Variants in ENPP2 observed in about 807,000 individuals in gnomAD.
The protein encoded by ENPP2 is ectonucleotide pyrophosphatase/phosphodiesterase 2.
A neutral mutation model predicts 120.2 loss-of-function variants in ENPP2; 51 were observed. The ratio of observed to expected loss-of-function variants is 0.42; its 90% CI spans 0.34 to 0.54. ENPP2 has a LOEUF of 0.54. ENPP2 is among the 20% of genes least tolerant of loss of function. ENPP2 has a pLI of 0.04. For synonymous variants in ENPP2, 365 were observed against 366.4 expected (o/e 1.00, Z 0.04); for missense variants, 920 against 1,066.5 (o/e 0.86, Z 1.91).
intron 1 of ENPP2, among the ~76,000 whole-genome samples, chr8:119,651,487 A>T (rs1201238631): frequency 6.6e-6 from 1 of 152,226 alleles, no homozygotes; most frequent in African/African-American, 2.4e-5. Context: ...TCAAGTGCCT[A>T]TTAAGTGGGG....
chr8:119,664,798 G>A lies in ENPP2; in HGVS notation c.21+8454C>T, dbSNP rs557283812. ...TCTACTAAAAATACAAAAAATAGCC[G>A]GGTGTGGTGGAACACGCCTGTAGTC... On this transcript the variant is annotated intron_variant, in intron 1 of 25. Coordinates refer to the ENPP2 transcript ENST00000427067. Among the ~76,000 whole-genome samples, 12 of 152,222 alleles carry A rather than the reference G, an allele frequency of 7.9e-5. 1 individual carries two copies. The highest frequency in any genetic ancestry group is 6.2e-4 in the South Asian group (3 of 4,816).
chr8:119,632,940 A>C (rs1269721021), intron 2 of ENPP2, among the ~76,000 whole-genome samples: 4 of 152,186 alleles, frequency 2.6e-5, no homozygotes. Context: ...ATGGGGGTGC[A>C]CACCTGTAAT....
chr8:119,628,856 T>C (rs559188497), intron 2 of ENPP2, among the ~76,000 whole-genome samples: 279 of 152,298 alleles, frequency 1.8e-3, no homozygotes, highest in African/African-American at 6.5e-3. Context: ...GAACAAACTT[T>C]TTCCTTCTGT....
upstream of ENPP2, among the ~76,000 whole-genome samples, chr8:119,642,430 C>T (rs951459657): frequency 2.6e-5 from 4 of 151,862 alleles, no homozygotes; most frequent in Admixed American, 2.0e-4. Context: ...AATATGCTAA[C>T]GATGGTTGAC....
At chr8:119,559,087 T>C (rs531696479) in intron 24 of ENPP2, among the ~76,000 whole-genome samples, 2 of 152,312 alleles carry the variant, frequency 1.3e-5, no homozygotes, top group South Asian at 4.1e-4. Flanking sequence ...TTAACCTTCA[T>C]GTCCCACCCT....
intron 1 of ENPP2, among the ~76,000 whole-genome samples, chr8:119,664,503 T>C (rs1011345189): frequency 1.3e-5 from 2 of 152,190 alleles, no homozygotes; most frequent in African/African-American, 4.8e-5. Context: ...ATCATTTCCA[T>C]GACGAAGAGC....
intron 24 of ENPP2, among the ~76,000 whole-genome samples, chr8:119,561,812 TGTTTG>T (rs1563663404): frequency 1.8e-4 from 28 of 151,828 alleles, no homozygotes; most frequent in African/African-American, 4.3e-4. Context: ...TGTGTGTGTG[TGTTTG>T]TGTGTGTGTG....
intron 1 of ENPP2, among the ~76,000 whole-genome samples, chr8:119,646,091 C>T (rs1817459273): frequency 6.6e-6 from 1 of 151,882 alleles, no homozygotes; most frequent in African/African-American, 2.4e-5. Context: ...GCCTCAGCCT[C>T]TCAAGTAGCT....
chr8:119,587,730 T>C (rs1402923471), intron 13 of ENPP2, among the ~76,000 whole-genome samples: 3 of 152,194 alleles, frequency 2.0e-5, no homozygotes, highest in African/African-American at 7.2e-5. Context: ...GTGCATAAAC[T>C]GTGGACAGGA....
intron 1 of ENPP2, among the ~76,000 whole-genome samples, chr8:119,653,606 G>A (rs1817685572): frequency 6.6e-6 from 1 of 152,072 alleles, no homozygotes; most frequent in Non-Finnish European, 1.5e-5. Flanking sequence ...AGACGAGGCA[G>A]CAGTAAGAGA....
intron 8 of ENPP2, among the ~76,000 whole-genome samples, chr8:119,611,307 G>A (rs545047464): frequency 1.3e-5 from 2 of 152,334 alleles, no homozygotes; most frequent in South Asian, 2.1e-4. Flanking sequence ...CTTTGCACTC[G>A]AAAGCATTGA....
At chr8:119,557,774 A>T in intron 24 of ENPP2, 83 bp from the exon 25 acceptor site, 1 of 1,219,682 alleles carries the variant, frequency 8.2e-7, no homozygotes, top group Non-Finnish European at 1.1e-6. Flanking sequence ...AAGTCCACAA[A>T]TGACCTCTGT....
At chr8:119,637,798 T>C (rs1020092105) in intron 2 of ENPP2, among the ~76,000 whole-genome samples, 3 of 152,204 alleles carry the variant, frequency 2.0e-5, no homozygotes, top group Admixed American at 1.3e-4. Flanking sequence ...TGGTGTAGTG[T>C]ATTGTAAAAA....
Position 119,568,268 on chromosome 8 carries a change from A to T in ENPP2, c.2054-16T>A, listed in dbSNP as rs1246043207. On this transcript the variant is annotated splice_polypyrimidine_tract_variant and intron_variant, in intron 21 of 24. Transcript: ENST00000075322. The stretch of plus-strand genomic sequence containing the variant: ...GAGCTCAGATCTAAACATTAGGAAA[A>T]CAAATAGTATACGTTGCTTACCAAA... The T allele has an allele frequency of 6.8e-7, 1 of 1,473,366 alleles. No homozygotes were observed. The highest frequency in any genetic ancestry group is 1.4e-5 in the African/African-American group (1 of 71,632). The allele number at this position is 1,473,366 out of a possible 1,614,324, so 91.3% of individuals were successfully genotyped here.
chr8:119,559,016 C>T (rs1206670133), intron 24 of ENPP2, among the ~76,000 whole-genome samples: 1 of 152,158 alleles, frequency 6.6e-6, no homozygotes, highest in African/African-American at 2.4e-5. Context: ...GATGCCTGGC[C>T]ATCTCAGGCA....
At chr8:119,625,117 C>G (rs926295056) in intron 3 of ENPP2, among the ~76,000 whole-genome samples, 1 of 152,084 alleles carries the variant, frequency 6.6e-6, no homozygotes, top group Non-Finnish European at 1.5e-5. Flanking sequence ...ATGCCACAGA[C>G]AAGATATTCA....
At chr8:119,655,178 G>A (rs1406086026) in intron 1 of ENPP2, among the ~76,000 whole-genome samples, 5 of 152,204 alleles carry the variant, frequency 3.3e-5, no homozygotes, top group African/African-American at 1.2e-4. Context: ...AGCAAGAGAT[G>A]AAGCAATGGT....
intron 8 of ENPP2, among the ~76,000 whole-genome samples, chr8:119,614,765 T>C (rs929259842): frequency 6.6e-6 from 1 of 152,208 alleles, no homozygotes; most frequent in Non-Finnish European, 1.5e-5. Flanking sequence ...GAAAGCTTAA[T>C]GGAGCTCTAA....
chr8:119,596,801 G>A (rs1813926236), intron 11 of ENPP2, among the ~76,000 whole-genome samples: 2 of 152,148 alleles, frequency 1.3e-5, no homozygotes, highest in African/African-American at 2.4e-5. Context: ...TCAGAAACCT[G>A]CTTTTAAGGG....
Sources: allele counts gnomAD v4.1 joint callset (sites outside exome capture counted in the v4.1 genomes callset), GRCh38; gene constraint gnomAD v4.1.1; transcripts MANE v1.5; gene names NCBI Gene and HGNC (gene_info 2026-07-23, HGNC 2026-07-21).